CDH22: variants seen among roughly 807,000 people sequenced by gnomAD.
CDH22 encodes the protein cadherin-22.
CDH22 carries 30 observed loss-of-function variants against 58.4 expected under a neutral mutation model. The ratio of observed to expected loss-of-function variants is 0.51; its 90% CI spans 0.38 to 0.70. CDH22 has a LOEUF of 0.70. Ranked by LOEUF, CDH22 falls within the 30% of genes least tolerant of loss-of-function variation. The pLI, the probability that CDH22 is intolerant of heterozygous loss-of-function variation, is 0.00. For synonymous variants in CDH22, 513 were observed against 558.2 expected (o/e 0.92, Z 1.14); for missense variants, 1,014 against 1,233.9 (o/e 0.82, Z 2.67).
chr20:46,206,803 T>C (rs1447747615), intron 7 of CDH22, among the ~76,000 whole-genome samples: 1 of 152,202 alleles, frequency 6.6e-6, no homozygotes, highest in Non-Finnish European at 1.5e-5. Context: ...TGGGCAGGGA[T>C]CCTGTTTTAT....
chr20:46,293,595 A>G lies in CDH22; in HGVS notation c.-400+14660T>C, dbSNP rs539065298. Among the ~76,000 whole-genome samples, 3 of 152,108 alleles carry G rather than the reference A, an allele frequency of 2.0e-5. No individual in the cohort carries two copies. In the East Asian group the frequency reaches 5.8e-4, roughly 29 times the overall value. The stretch of plus-strand genomic sequence containing the variant: ...GCCACATGTCCCCAAATTGTCCACA[A>G]CCCTATTCCACGAAGTCCTCTGACT... On this transcript the variant is annotated intron_variant, in intron 1 of 11. Transcript: ENST00000537909.
chr20:46,177,862 C>T, intron 11 of CDH22, 84 bp downstream of exon 11: 9 of 1,525,100 alleles, frequency 5.9e-6, no homozygotes, highest in Non-Finnish European at 8.0e-6. Context: ...AAGCTGAGGC[C>T]CCATGGGGGC....
intron 7 of CDH22, among the ~76,000 whole-genome samples, chr20:46,200,524 C>T (rs2085952264): frequency 6.7e-6 from 1 of 150,124 alleles, no homozygotes; most frequent in South Asian, 2.1e-4. Context: ...TCAAGCGATC[C>T]GCTCGCCTTG....
At chr20:46,234,799 C>T (rs1010151850) in intron 3 of CDH22, among the ~76,000 whole-genome samples, 4 of 152,232 alleles carry the variant, frequency 2.6e-5, no homozygotes, top group Non-Finnish European at 4.4e-5. Flanking sequence ...ACCAATTGAT[C>T]TGAGTTAGCA....
At chr20:46,302,154 C>T (rs929266377) in intron 1 of CDH22, among the ~76,000 whole-genome samples, 3 of 152,186 alleles carry the variant, frequency 2.0e-5, no homozygotes, top group Admixed American at 6.5e-5. Flanking sequence ...CCATATGCCA[C>T]GCTAGACCCT....
At chr20:46,191,779 T>G (rs2085863362) in intron 8 of CDH22, among the ~76,000 whole-genome samples, 1 of 152,168 alleles carries the variant, frequency 6.6e-6, no homozygotes, top group Non-Finnish European at 1.5e-5. Context: ...CCATCTTGCC[T>G]TCAAGGCCCT....
Position 46,243,945 on chromosome 20 carries a change from C to T in CDH22, c.256-2688G>A, listed in dbSNP as rs140740142. 7.2e-5 allele frequency among the ~76,000 whole-genome samples: 11 copies of T among 152,250 alleles called. No individual in the cohort carries two copies. In the East Asian group the frequency reaches 1.2e-3, roughly 16 times the overall value. ...GTCACATGGCTAAGTGTGGAAAGCACGCTTCTGACTCTACCACTCACTAAT... is the reference window on the plus strand; with the variant it reads ...GTCACATGGCTAAGTGTGGAAAGCATGCTTCTGACTCTACCACTCACTAAT... On this transcript the variant is annotated intron_variant, in intron 2 of 11. Coordinates refer to ENST00000537909, the MANE Select transcript of CDH22 (RefSeq NM_021248.3).
intron 3 of CDH22, among the ~76,000 whole-genome samples, chr20:46,237,202 G>A (rs993334878): frequency 6.6e-6 from 1 of 152,154 alleles, no homozygotes; most frequent in Non-Finnish European, 1.5e-5. Flanking sequence ...GCAGGAAGTC[G>A]ACCAAGGTCC....
In CDH22 at chr20:46,210,407, G is replaced by A; in HGVS notation, c.1186C>T (p.Pro396Ser). 1 of 1,462,244 alleles carries A rather than the reference G, an allele frequency of 6.8e-7. No individual in the cohort carries two copies. Among genetic ancestry groups the A allele is most frequent in the African/African-American group, 1.5e-5 (1 of 67,836 alleles). The allele number at this position is 1,462,244 out of a possible 1,614,324, so 90.6% of individuals were successfully genotyped here. A position where few individuals can be genotyped will look rare whatever the true frequency, so the allele number is the denominator to read the frequency against. Residue 396 changes from proline to serine, a missense_variant, in exon 7 of 12, where the codon CCG (proline) becomes TCG (serine). Around this residue, in one of 2 missense-constraint regions of CDH22, gnomAD observed 806 missense variants for 1,038.7 expected, o/e 0.78. Transcript: ENST00000537909. The surrounding 1 kb of genome is among the most constrained non-coding windows in gnomAD (Gnocchi z 4.5). The part of the protein sequence containing the change: ...TDVDEPPEFR[P>S]PSGLLEVQED... Reference sequence around the variant, plus strand: ...TGCACCTCCAGGAGGCCGGAGGGCGGCCGGAACTCGGGGGGCTCGTCCACG... The same window carrying A: ...TGCACCTCCAGGAGGCCGGAGGGCGACCGGAACTCGGGGGGCTCGTCCACG...
intron 5 of CDH22, among the ~76,000 whole-genome samples, chr20:46,215,039 T>C (rs2086073862): frequency 6.6e-6 from 1 of 152,238 alleles, no homozygotes; most frequent in South Asian, 2.1e-4. Context: ...AACGTGACAG[T>C]ACCAGGAGTC....
At chr20:46,232,202 G>A (rs553354218) in intron 3 of CDH22, among the ~76,000 whole-genome samples, 1 of 152,240 alleles carries the variant, frequency 6.6e-6, no homozygotes, top group South Asian at 2.1e-4. Context: ...TCTGTGAAGT[G>A]CAGTTGAGTC....
intron 3 of CDH22, among the ~76,000 whole-genome samples, chr20:46,234,809 A>G (rs1264815903): frequency 1.3e-5 from 2 of 152,242 alleles, no homozygotes; most frequent in African/African-American, 2.4e-5. Context: ...CTGAGTTAGC[A>G]CAAGAGACGA....
chr20:46,197,270 A>T (rs1158171321), intron 8 of CDH22, among the ~76,000 whole-genome samples: 1 of 151,324 alleles, frequency 6.6e-6, no homozygotes, highest in Non-Finnish European at 1.5e-5. Flanking sequence ...TCAATAAAGT[A>T]TGTGCTGGAA....
At chr20:46,267,772 C>G (rs573848970) in intron 1 of CDH22, among the ~76,000 whole-genome samples, 15 of 152,390 alleles carry the variant, frequency 9.8e-5, no homozygotes, top group African/African-American at 3.4e-4. Flanking sequence ...TCCAATGCTA[C>G]TTATAAACGC....
At chr20:46,230,094 C>A (rs1388834585) in intron 3 of CDH22, among the ~76,000 whole-genome samples, 3 of 152,156 alleles carry the variant, frequency 2.0e-5, no homozygotes, top group African/African-American at 7.2e-5. Flanking sequence ...GGGCCACACA[C>A]CCCCTCCCAC....
intron 3 of CDH22, among the ~76,000 whole-genome samples, chr20:46,232,692 C>A (rs530663777): frequency 5.8e-4 from 89 of 152,242 alleles, no homozygotes; most frequent in African/African-American, 1.9e-3. Flanking sequence ...AAATTAAAAA[C>A]CACTTGTCGA....
At chr20:46,299,825 G>A (rs1434048254) in intron 1 of CDH22, among the ~76,000 whole-genome samples, 2 of 152,106 alleles carry the variant, frequency 1.3e-5, no homozygotes, top group African/African-American at 4.8e-5. Context: ...GGCAAAGATG[G>A]GAACCCTGGT....
Position 46,216,862 on chromosome 20 carries a change from T to C in CDH22, c.802A>G (p.Thr268Ala), listed in dbSNP as rs1214712091. 1 of 1,605,094 alleles carries C rather than the reference T, an allele frequency of 6.2e-7. No homozygotes were observed. Reference protein sequence around the residue: ...SGSTTVTIVVTDVNDNPPRFP... With the variant: ...SGSTTVTIVVADVNDNPPRFP... ...CGGGGCGGGTTGTCATTGACGTCGG[T>C]GACTACGATGGTGACGGTAGTGGAG... The change falls in exon 5 of 12, where the codon ACC becomes GCC. Residue 268 changes from threonine (T) to alanine (A), a missense_variant. By Grantham distance (58) the Thr-to-Ala change is moderately conservative. Coordinates refer to ENST00000537909, the MANE Select transcript of CDH22 (RefSeq NM_021248.3). This position sits in a 1 kb window ranked among gnomAD's most constrained non-coding sequence, Gnocchi z 5.3.
Position 46,217,007 on chromosome 20 carries a change from A to T in CDH22, c.671-14T>A. On this transcript the variant is annotated splice_polypyrimidine_tract_variant and intron_variant, in intron 4 of 11. Transcript: ENST00000537909. ...TCCGGATTACGCCTGTGGGTGAGTG[A>T]GGGTGAGGCCAGGGCACCCCACACC... The T allele has an allele frequency of 6.3e-7, 1 of 1,580,218 alleles. No homozygotes were observed. The highest frequency in any genetic ancestry group is 8.6e-7 in the Non-Finnish European group (1 of 1,156,926).
Sources: gnomAD v4.1 joint callset for allele counts (sites outside exome capture counted in the v4.1 genomes callset) on GRCh38, gnomAD v4.1.1 for gene constraint, gnomAD v4.1.1 regional missense constraint, Gnocchi (gnomAD v3.1) non-coding constraint, MANE v1.5 for transcripts, NCBI Gene and HGNC (gene_info 2026-07-23, HGNC 2026-07-21) for gene names.